The following SSPN variants were observed in gnomAD, a reference collection of about 807,000 sequenced individuals.
SSPN encodes the protein sarcospan, also known as K-ras oncogene-associated protein.
In SSPN, 15 loss-of-function variants were observed where a neutral mutation model predicts 19.1. That is an observed-to-expected ratio of 0.78 (90% CI 0.52 to 1.21). The LOEUF is 1.21. Among genes scored for constraint, SSPN ranks in the 50% most tolerant of loss-of-function variants. The pLI, the probability that SSPN is intolerant of heterozygous loss-of-function variation, is 0.00. For synonymous variants in SSPN, 147 were observed against 140.3 expected (o/e 1.05, Z -0.34); for missense variants, 291 against 314.0 (o/e 0.93, Z 0.55).
chr12:26,197,434 C>T (rs1944839821), intron 1 of SSPN, among the ~76,000 whole-genome samples: 1 of 152,168 alleles, frequency 6.6e-6, no homozygotes, highest in Admixed American at 6.6e-5. Flanking sequence ...CAATGACGAT[C>T]CACATACCCA....
rs577050657 is a variant in SSPN, at chr12:26,128,892, A to G, written c.-31+6740A>G. On this transcript the variant is annotated intron_variant, in intron 1 of 2. Transcript: ENST00000538142. ...CTAATGAAAGGAAATACTTAGGCCA[A>G]TTCTCCCCCCTGCCTAAATATCCTA... Among the ~76,000 whole-genome samples the G allele has an allele frequency of 3.9e-5, 6 of 152,236 alleles. No individual in the cohort carries two copies. In the South Asian group the frequency reaches 1.0e-3, roughly 26 times the overall value.
chr12:26,223,681 G>A (rs770269803), intron 1 of SSPN, among the ~76,000 whole-genome samples: 12 of 152,128 alleles, frequency 7.9e-5, no homozygotes, highest in Non-Finnish European at 1.3e-4. Context: ...CTTACAATAT[G>A]AGAATCATAA....
chr12:26,206,830 A>G (rs1944935304), intron 1 of SSPN, among the ~76,000 whole-genome samples: 1 of 152,246 alleles, frequency 6.6e-6, no homozygotes, highest in African/African-American at 2.4e-5. Flanking sequence ...TTGCAAGAAT[A>G]AGTATTTATA....
intron 1 of SSPN, among the ~76,000 whole-genome samples, chr12:26,156,780 G>A (rs138901266): frequency 4.5e-4 from 68 of 152,326 alleles, no homozygotes; most frequent in African/African-American, 1.6e-3. Context: ...TACGGTTGCT[G>A]TAGAGGACAC....
chr12:26,128,139 C>T (rs1944377564), intron 1 of SSPN, among the ~76,000 whole-genome samples: 1 of 152,184 alleles, frequency 6.6e-6, no homozygotes, highest in African/African-American at 2.4e-5. Context: ...ACTCTTACAC[C>T]TCAATGTGAA....
intron 1 of SSPN, among the ~76,000 whole-genome samples, chr12:26,161,265 T>C (rs1591855565): frequency 6.6e-6 from 1 of 152,090 alleles, no homozygotes; most frequent in East Asian, 1.9e-4. Flanking sequence ...TTACCTATAA[T>C]CTCCTCCTCT....
intron 1 of SSPN, among the ~76,000 whole-genome samples, chr12:26,145,807 C>T (rs142678839): frequency 6.6e-6 from 1 of 152,288 alleles, no homozygotes; most frequent in East Asian, 1.9e-4. Context: ...TAATGCTTCT[C>T]TTAGGAGCTA....
intron 1 of SSPN, among the ~76,000 whole-genome samples, chr12:26,174,408 C>T (rs1944670493): frequency 6.6e-6 from 1 of 151,938 alleles, no homozygotes; most frequent in Admixed American, 6.6e-5. Flanking sequence ...TAAGTTTTCC[C>T]ATCACCTTCT....
chr12:26,151,934 C>T (rs1161859343), intron 1 of SSPN, among the ~76,000 whole-genome samples: 1 of 152,142 alleles, frequency 6.6e-6, no homozygotes, highest in Non-Finnish European at 1.5e-5. Flanking sequence ...AATGCTTAGT[C>T]CCTAGATTGA....
At chr12:26,190,275 A>C (rs1223005831) in intron 1 of SSPN, among the ~76,000 whole-genome samples, 3 of 152,208 alleles carry the variant, frequency 2.0e-5, no homozygotes, top group African/African-American at 4.8e-5. Flanking sequence ...CATGTAAAGA[A>C]TTGCATTTGC....
At chr12:26,189,288 C>T (rs943429537) in intron 1 of SSPN, among the ~76,000 whole-genome samples, 5 of 152,086 alleles carry the variant, frequency 3.3e-5, no homozygotes, top group Non-Finnish European at 5.9e-5. Context: ...CAGTAAAATA[C>T]GCTGTGGGAT....
At chr12:26,199,190 G>A (rs1288811808) in intron 1 of SSPN, among the ~76,000 whole-genome samples, 1 of 152,194 alleles carries the variant, frequency 6.6e-6, no homozygotes, top group Non-Finnish European at 1.5e-5. Flanking sequence ...ATGCCTGGGT[G>A]ACTTGATGAA....
intron 1 of SSPN, among the ~76,000 whole-genome samples, chr12:26,161,616 G>A (rs546741665): frequency 6.6e-6 from 1 of 152,072 alleles, no homozygotes; most frequent in Non-Finnish European, 1.5e-5. Context: ...CAAATTAAAT[G>A]TAAACTACAC....
intron 1 of SSPN, among the ~76,000 whole-genome samples, chr12:26,146,935 T>G (rs1461539305): frequency 6.6e-6 from 1 of 152,132 alleles, no homozygotes; most frequent in Non-Finnish European, 1.5e-5. Context: ...CTTTTACTTA[T>G]AAACATACAA....
At chr12:26,155,565 G>A (rs1408961222) in intron 1 of SSPN, among the ~76,000 whole-genome samples, 1 of 152,172 alleles carries the variant, frequency 6.6e-6, no homozygotes, top group Non-Finnish European at 1.5e-5. Flanking sequence ...GATGACCACT[G>A]GTTGGTTTTG....
At chr12:26,220,247 C>CAAAAAAAA in intron 1 of SSPN, among the ~76,000 whole-genome samples, 1 of 114,434 alleles carries the variant, frequency 8.7e-6, no homozygotes, top group Non-Finnish European at 1.7e-5. Context: ...AAGCTGTAGG[C>CAAAAAAAA]AAAAAAAAAA....
chr12:26,133,574 A>G (rs1463620524), intron 1 of SSPN, among the ~76,000 whole-genome samples: 1 of 151,496 alleles, frequency 6.6e-6, no homozygotes, highest in Non-Finnish European at 1.5e-5. Context: ...TGGGATTATC[A>G]GTTTTGGGAA....
At chr12:26,161,452 G>GC (rs1944588475) in intron 1 of SSPN, among the ~76,000 whole-genome samples, 1 of 152,036 alleles carries the variant, frequency 6.6e-6, no homozygotes, top group African/African-American at 2.4e-5. Context: ...TCCCTGCCCT[G>GC]CCCCATCGAA....
intron 2 of SSPN, 151 bp downstream of exon 2, chr12:26,224,530 T>G (rs2137511159): frequency 1.5e-6 from 1 of 664,782 alleles, no homozygotes; most frequent in East Asian, 2.6e-5. Flanking sequence ...AGGGCATTGA[T>G]CCAGACCTCA....
Sources: gnomAD v4.1 joint callset for allele counts (sites outside exome capture counted in the v4.1 genomes callset) on GRCh38, gnomAD v4.1.1 for gene constraint, MANE v1.5 for transcripts, NCBI Gene and HGNC (gene_info 2026-07-23, HGNC 2026-07-21) for gene names.